Variants in RECK observed in about 807,000 individuals in gnomAD.
RECK encodes the protein reversion-inducing cysteine-rich protein with Kazal motifs.
A neutral mutation model predicts 115.1 loss-of-function variants in RECK; 69 were observed. The observed-to-expected ratio is 0.60, with a 90% CI of 0.49 to 0.73. The LOEUF (loss-of-function observed/expected upper bound fraction) is 0.73. Ranked by LOEUF, RECK falls within the 30% of genes least tolerant of loss-of-function variation. The probability of loss-of-function intolerance (pLI) is 0.00; values close to 1 mark genes in which losing one functional copy is unlikely to be tolerated. For missense variants in RECK, 1,047 were observed against 1,203.7 expected (o/e 0.87, Z 1.93); for synonymous variants, 414 against 419.7 (o/e 0.99, Z 0.17).
chr9:36,070,199 T>A (rs1588293346), intron 6 of RECK, among the ~76,000 whole-genome samples: 1 of 152,180 alleles, frequency 6.6e-6, no homozygotes, highest in Non-Finnish European at 1.5e-5. Context: ...TAGTAATGTA[T>A]TACTGGATTT....
At chr9:36,075,542 A>G (rs563000002) in intron 6 of RECK, among the ~76,000 whole-genome samples, 1 of 152,332 alleles carries the variant, frequency 6.6e-6, no homozygotes, top group South Asian at 2.1e-4. Context: ...TATTCTAGTC[A>G]TCTATACTTT....
chr9:36,109,908 A>G, intron 14 of RECK, 49 bp from the exon 15 acceptor site: 2 of 1,532,964 alleles, frequency 1.3e-6, no homozygotes, highest in South Asian at 2.3e-5. Context: ...TACGTGCTCT[A>G]TTTCTCAATG....
intron 7 of RECK, among the ~76,000 whole-genome samples, chr9:36,081,832 CAA>C (rs71336424): frequency 1.7e-4 from 21 of 122,972 alleles, no homozygotes; most frequent in African/African-American, 6.0e-4. Flanking sequence ...GACTGTGTCT[CAA>C]AAAAAAAAAA....
At chr9:36,059,499 T>C (rs1466690606) in intron 3 of RECK, among the ~76,000 whole-genome samples, 2 of 152,156 alleles carry the variant, frequency 1.3e-5, no homozygotes, top group Non-Finnish European at 2.9e-5. Context: ...TTTTATTTAT[T>C]ATTATAGTTT....
chr9:36,101,239 C>T (rs1823556611), intron 11 of RECK, among the ~76,000 whole-genome samples: 1 of 152,190 alleles, frequency 6.6e-6, no homozygotes, highest in Non-Finnish European at 1.5e-5. Context: ...GCCTGAGCCA[C>T]TGCGCCCAGC....
chr9:36,063,981 A>C (rs1424284123), intron 5 of RECK, 101 bp downstream of exon 5: 2 of 1,048,264 alleles, frequency 1.9e-6, no homozygotes, highest in South Asian at 2.8e-5. Flanking sequence ...TTGCAGAGGT[A>C]ACCCGTAAAA....
intron 10 of RECK, among the ~76,000 whole-genome samples, chr9:36,093,290 A>T (rs1427720265): frequency 6.6e-6 from 1 of 152,240 alleles, no homozygotes; most frequent in African/African-American, 2.4e-5. Context: ...AATGTCCATT[A>T]TACAATCAAA....
At chr9:36,082,598 A>G (rs1822768811) in intron 7 of RECK, among the ~76,000 whole-genome samples, 1 of 152,118 alleles carries the variant, frequency 6.6e-6, no homozygotes, top group Admixed American at 6.6e-5. Context: ...CTACTCATCT[A>G]GCTCTCCCAA....
chr9:36,084,679 A>C (rs1822871820), intron 8 of RECK, among the ~76,000 whole-genome samples: 2 of 150,168 alleles, frequency 1.3e-5, no homozygotes, highest in Non-Finnish European at 3.0e-5. Context: ...TGGGCAACAG[A>C]CCAGACATCG....
At chr9:36,078,259 T>C (rs1445357946) in intron 6 of RECK, among the ~76,000 whole-genome samples, 1 of 152,230 alleles carries the variant, frequency 6.6e-6, no homozygotes, top group African/African-American at 2.4e-5. Context: ...AATAAGGAAG[T>C]TGGACTAGAT....
intron 6 of RECK, among the ~76,000 whole-genome samples, chr9:36,068,005 T>C (rs1354509633): frequency 6.6e-6 from 1 of 152,172 alleles, no homozygotes; most frequent in Non-Finnish European, 1.5e-5. Flanking sequence ...GGGCTGCAAG[T>C]CTATGCTCAG....
At chr9:36,082,071 G>A (rs570634828) in intron 7 of RECK, among the ~76,000 whole-genome samples, 63 of 151,444 alleles carry the variant, frequency 4.2e-4, no homozygotes, top group African/African-American at 1.5e-3. Context: ...CCCTGCTCAT[G>A]GGTCTTTGGA....
chr9:36,061,636 A>G (rs748653366), intron 4 of RECK, among the ~76,000 whole-genome samples: 4 of 152,208 alleles, frequency 2.6e-5, no homozygotes, highest in Non-Finnish European at 5.9e-5. Context: ...TCATTATGAT[A>G]TAACAAGTCA....
At chr9:36,071,309 C>T (rs1822221141) in intron 6 of RECK, among the ~76,000 whole-genome samples, 1 of 152,162 alleles carries the variant, frequency 6.6e-6, no homozygotes, top group South Asian at 2.1e-4. Context: ...TCACAATAAG[C>T]TTCATTAAGG....
At chr9:36,114,844 AAAAAC>A (rs144666128) in intron 16 of RECK, among the ~76,000 whole-genome samples, 59 of 150,574 alleles carry the variant, frequency 3.9e-4, no homozygotes, top group African/African-American at 1.4e-3. Context: ...GACTCCATCT[AAAAAC>A]AAAACAAAAC....
chr9:36,099,012 G>A (rs1734979679), intron 10 of RECK, among the ~76,000 whole-genome samples: 1 of 152,112 alleles, frequency 6.6e-6, no homozygotes, highest in Non-Finnish European at 1.5e-5. Context: ...GATCGCTTGG[G>A]CCCAGGAGTT....
chr9:36,097,400 A>G (rs1823396716), intron 10 of RECK, among the ~76,000 whole-genome samples: 3 of 152,214 alleles, frequency 2.0e-5, no homozygotes, highest in African/African-American at 7.2e-5. Context: ...GGACATCACA[A>G]TGGCCATTTA....
intron 6 of RECK, among the ~76,000 whole-genome samples, chr9:36,074,154 CCA>C (rs1367960124): frequency 6.6e-6 from 1 of 152,174 alleles, no homozygotes; most frequent in Non-Finnish European, 1.5e-5. Context: ...CATCTTCTCT[CCA>C]CACACATAAA....
chr9:36,043,322 G>C lies in RECK; in HGVS notation c.100+6224G>C, dbSNP rs182803015. Among the ~76,000 whole-genome samples, 3 of 150,052 alleles carry C rather than the reference G, an allele frequency of 2.0e-5. No homozygotes were observed. In the East Asian group the frequency reaches 6.0e-4, roughly 30 times the overall value. On this transcript the variant is annotated intron_variant, in intron 1 of 20. Transcript: ENST00000377966. ...CTCCCAAAGTGCTGGGATTACAGGC[G>C]TGAGCCACCGAGTCCGGCTCCTTAG...
Sources: gnomAD v4.1 joint callset for allele counts (sites outside exome capture counted in the v4.1 genomes callset) on GRCh38, gnomAD v4.1.1 for gene constraint, MANE v1.5 for transcripts, NCBI Gene and HGNC (gene_info 2026-07-23, HGNC 2026-07-21) for gene names.